The following LUZP2 variants were observed in gnomAD, a reference collection of about 807,000 sequenced individuals.
LUZP2 encodes the protein leucine zipper protein 2.
In LUZP2, 52 loss-of-function variants were observed where a neutral mutation model predicts 51.6. The ratio of observed to expected loss-of-function variants is 1.01; its 90% CI spans 0.81 to 1.27. The LOEUF (loss-of-function observed/expected upper bound fraction) is 1.27, where lower values mean the gene tolerates loss of function less well. Ranked by LOEUF, LUZP2 falls within the 50% of genes most tolerant of loss-of-function variation. The pLI is 0.00. For missense variants in LUZP2, 436 were observed against 395.4 expected, an observed-to-expected ratio of 1.10 and a Z score of -0.87; for synonymous variants, 154 against 137.3, an observed-to-expected ratio of 1.12 and a Z score of -0.85.
At chr11:24,921,036 C>T (rs542204786) in intron 7 of LUZP2, among the ~76,000 whole-genome samples, 35 of 152,108 alleles carry the variant, frequency 2.3e-4, no homozygotes, top group African/African-American at 7.5e-4. Context: ...ATAGCACTTA[C>T]ATTGTATTAG....
Position 24,729,216 on chromosome 11 carries a change from A to T in LUZP2, c.110A>T (p.Glu37Val), listed in dbSNP as rs746808272. 3.8e-6 allele frequency: 6 copies of T among 1,578,934 alleles called. No homozygotes were observed. The South Asian group carries it at 4.6e-5, about 12-fold the overall frequency. Reference protein sequence around the residue: ...LEKQLKEVFKERSTILRQLTK... With the variant: ...LEKQLKEVFKVRSTILRQLTK... Reference sequence around the variant, plus strand: ...AAGCAGCTGAAAGAAGTCTTTAAGGAGCGAAGCACCATTCTTCGTCAGCTG... The same window carrying T: ...AAGCAGCTGAAAGAAGTCTTTAAGGTGCGAAGCACCATTCTTCGTCAGCTG... Residue 37 changes from glutamate to valine, a missense_variant, in exon 2 of 12, where the codon GAG becomes GTG. Physicochemically the swap from Glu to Val is moderately radical, Grantham distance 121. Coordinates refer to ENST00000336930, the MANE Select transcript of LUZP2 (RefSeq NM_001009909.4).
chr11:24,996,016 G>T (rs1356697230), intron 9 of LUZP2, among the ~76,000 whole-genome samples: 2 of 150,198 alleles, frequency 1.3e-5, no homozygotes, highest in African/African-American at 4.9e-5. Context: ...CTATCTATAG[G>T]TTCTAATTAT....
At chr11:24,794,685 T>A (rs1173649894) in intron 5 of LUZP2, among the ~76,000 whole-genome samples, 1 of 152,168 alleles carries the variant, frequency 6.6e-6, no homozygotes, top group Non-Finnish European at 1.5e-5. Context: ...GTTCTTTTGC[T>A]GATTGTGTCA....
At chr11:24,720,811 G>A (rs1858238430) in intron 1 of LUZP2, among the ~76,000 whole-genome samples, 1 of 152,162 alleles carries the variant, frequency 6.6e-6, no homozygotes, top group Non-Finnish European at 1.5e-5. Context: ...CCATTGTCCT[G>A]CCTCAGCCTC....
chr11:24,506,809 A>C (rs1243117515), intron 1 of LUZP2, among the ~76,000 whole-genome samples: 4 of 151,988 alleles, frequency 2.6e-5, no homozygotes, highest in Non-Finnish European at 5.9e-5. Context: ...CCCAGCTAAA[A>C]ATTGGCCAGA....
chr11:24,564,647 T>C lies in LUZP2; in HGVS notation c.62+67342T>C, dbSNP rs142991561. Among the ~76,000 whole-genome samples, 1,192 of 152,262 alleles carry C rather than the reference T, an allele frequency of 7.8e-3. 18 individuals carry two copies. Among genetic ancestry groups the C allele is most frequent in the African/African-American group, 0.026 (1,092 of 41,564 alleles). On this transcript the variant is annotated intron_variant, in intron 1 of 11. Transcript: ENST00000336930. ...TTTTCCATAGCTGGTCAGTCTCATT[T>C]ATCTAGAAGCTACTGTTGATAAAGT...
Position 24,546,963 on chromosome 11 carries a change from TTGGTGGTGGTGGTGGTGG to T in LUZP2, c.62+49675_62+49692del, listed in dbSNP as rs79607613. ...GTTTTTGTTGTTGTTGTTGTTGTTG[TTGGTGGTGGTGGTGGTGG>T]TGGTGGTGGTGGTGGTTGGTAGGCT... is the stretch of plus-strand genomic sequence containing the variant. On this transcript the variant is annotated intron_variant, in intron 1 of 11. Coordinates refer to ENST00000336930, the MANE Select transcript of LUZP2 (RefSeq NM_001009909.4). Among the ~76,000 whole-genome samples the T allele has an allele frequency of 4.7e-4, 50 of 105,584 alleles. 1 individual carries two copies. Among genetic ancestry groups the T allele is most frequent in the African/African-American group, 1.7e-3 (45 of 26,410 alleles). The allele number at this position is 105,584 out of a possible 152,430, so 69.3% of individuals were successfully genotyped here.
At chr11:24,811,512 T>C (rs1328057143) in intron 5 of LUZP2, among the ~76,000 whole-genome samples, 2 of 152,106 alleles carry the variant, frequency 1.3e-5, no homozygotes, top group African/African-American at 2.4e-5. Flanking sequence ...TTTACTTTTA[T>C]TTTAGTTTCA....
intron 1 of LUZP2, among the ~76,000 whole-genome samples, chr11:24,573,863 AT>A (rs142461511): frequency 0.58 from 87,606 of 151,046 alleles, 26,094 homozygotes; most frequent in East Asian, 0.8. Flanking sequence ...TTCTTGTTTT[AT>A]TTTTTTTATT....
chr11:24,753,202 ATAATT>A (rs1859656763), intron 4 of LUZP2, among the ~76,000 whole-genome samples: 1 of 152,208 alleles, frequency 6.6e-6, no homozygotes, highest in Admixed American at 6.5e-5. Flanking sequence ...AATACAATTG[ATAATT>A]TTATTTTATT....
At chr11:24,550,523 C>T (rs1469084017) in intron 1 of LUZP2, among the ~76,000 whole-genome samples, 3 of 151,960 alleles carry the variant, frequency 2.0e-5, no homozygotes, top group African/African-American at 4.8e-5. Flanking sequence ...AACCAGATGG[C>T]CAGGCAGCCC....
intron 9 of LUZP2, among the ~76,000 whole-genome samples, chr11:25,038,066 A>G (rs556220389): frequency 1.3e-5 from 2 of 151,874 alleles, no homozygotes; most frequent in Non-Finnish European, 2.9e-5. Flanking sequence ...ATTGATTTCT[A>G]TTTTATTATT....
At chr11:24,915,846 A>G (rs1172300920) in intron 7 of LUZP2, among the ~76,000 whole-genome samples, 1 of 152,094 alleles carries the variant, frequency 6.6e-6, no homozygotes. Flanking sequence ...TAATAGCACA[A>G]AAGTATCTAT....
intron 9 of LUZP2, among the ~76,000 whole-genome samples, chr11:24,993,777 C>A (rs1479142922): frequency 6.6e-6 from 1 of 151,684 alleles, no homozygotes; most frequent in African/African-American, 2.4e-5. Flanking sequence ...GTTGTATTTT[C>A]ACTTTATTGA....
intron 1 of LUZP2, among the ~76,000 whole-genome samples, chr11:24,505,192 G>T (rs1394847961): frequency 1.3e-5 from 2 of 152,074 alleles, no homozygotes; most frequent in East Asian, 1.9e-4. Context: ...CCTCCAGAGG[G>T]TTATGATGGT....
At chr11:24,807,239 G>A (rs1289883416) in intron 5 of LUZP2, among the ~76,000 whole-genome samples, 5 of 152,074 alleles carry the variant, frequency 3.3e-5, no homozygotes, top group Non-Finnish European at 2.9e-5. Flanking sequence ...GAGGTGGGCA[G>A]ATCACCTGAG....
rs559723850 is a variant in LUZP2, at chr11:25,066,002, T to C, written c.859-11327T>C. Among the ~76,000 whole-genome samples the C allele has an allele frequency of 1.2e-4, 19 of 152,070 alleles. No individual in the cohort carries two copies. The East Asian group carries it at 3.7e-3, about 29-fold the overall frequency. On this transcript the variant is annotated intron_variant, in intron 10 of 11. Coordinates refer to ENST00000336930, the MANE Select transcript of LUZP2 (RefSeq NM_001009909.4). ...CTTATCATGCTTAGCACACAAATAG[T>C]AAGAGGAACAACAATGAAAATTTGG...
intron 5 of LUZP2, among the ~76,000 whole-genome samples, chr11:24,867,903 T>G (rs1335137787): frequency 6.6e-6 from 1 of 152,202 alleles, no homozygotes; most frequent in Admixed American, 6.6e-5. Flanking sequence ...AGTACTGATG[T>G]AAACATTTGG....
chr11:24,602,073 C>T (rs189653518), intron 1 of LUZP2, among the ~76,000 whole-genome samples: 1,815 of 85,910 alleles, frequency 0.021, 108 homozygotes, highest in African/African-American at 0.071. Flanking sequence ...TATATATATG[C>T]GTATATATGT....
Sources: allele counts gnomAD v4.1 joint callset (sites outside exome capture counted in the v4.1 genomes callset), GRCh38; gene constraint gnomAD v4.1.1; transcripts MANE v1.5; gene names NCBI Gene and HGNC (gene_info 2026-07-23, HGNC 2026-07-21).